Variants in NALCN observed in about 807,000 individuals in gnomAD.
NALCN encodes the protein sodium leak channel, non-selective.
A neutral mutation model predicts 225.3 loss-of-function variants in NALCN; 111 were observed. The ratio of observed to expected loss-of-function variants is 0.49; its 90% CI spans 0.42 to 0.58. NALCN has a LOEUF of 0.58. Ranked by LOEUF, NALCN falls within the 20% of genes least tolerant of loss-of-function variation. The pLI, the probability that NALCN is intolerant of heterozygous loss-of-function variation, is 0.00. For synonymous variants in NALCN, 764 were observed against 769.0 expected (o/e 0.99, Z 0.11); for missense variants, 1,378 against 2,202.4 (o/e 0.63, Z 7.49).
intron 17 of NALCN, among the ~76,000 whole-genome samples, chr13:101,136,431 TC>T (rs929915668): frequency 2.6e-5 from 4 of 151,938 alleles, no homozygotes; most frequent in African/African-American, 4.8e-5. Context: ...ATTAGGTATA[TC>T]TCCTAATACT....
At chr13:101,189,587 G>C (rs1227624789) in intron 14 of NALCN, among the ~76,000 whole-genome samples, 1 of 152,144 alleles carries the variant, frequency 6.6e-6, no homozygotes, top group Non-Finnish European at 1.5e-5. Context: ...TCAGAAATCA[G>C]ATATCGAGTG....
intron 9 of NALCN, among the ~76,000 whole-genome samples, chr13:101,290,665 T>C (rs1201815974): frequency 2.0e-5 from 3 of 152,234 alleles, no homozygotes; most frequent in Non-Finnish European, 4.4e-5. Flanking sequence ...ATCATAAAGA[T>C]GCCTCAACAC....
chr13:101,391,500 T>C (rs182558353), intron 3 of NALCN, among the ~76,000 whole-genome samples: 2 of 147,342 alleles, frequency 1.4e-5, no homozygotes, highest in Admixed American at 6.8e-5. Flanking sequence ...CTGGGCAACA[T>C]AGCAAGACCC....
chr13:101,400,544 AGTGTGTGTGT>A lies in NALCN; in HGVS notation c.-39-1389_-39-1380del, dbSNP rs376844190. ...CACTGGAGTACAAGAACATGTTTGC[AGTGTGTGTGT>A]GTGTGTGTGTGTGTGTGTGTGTGTG... On this transcript the variant is annotated intron_variant, in intron 1 of 43. Transcript: ENST00000251127. Among the ~76,000 whole-genome samples the A allele has an allele frequency of 9.3e-3, 1,259 of 135,236 alleles. 32 individuals carry two copies. The highest frequency in any genetic ancestry group is 0.05 in the Admixed American group (680 of 13,546). The allele number at this position is 135,236 out of a possible 152,430, so 88.7% of individuals were successfully genotyped here.
rs568062984 is a variant in NALCN, at chr13:101,354,282, G to T, written c.645-8862C>A. ...CACTTGAACCCAGCGGGTAGAGGTTGCACTGAGCCAACATCATGCCACTGA... is the reference window on the plus strand; with the variant it reads ...CACTTGAACCCAGCGGGTAGAGGTTTCACTGAGCCAACATCATGCCACTGA... On this transcript the variant is annotated intron_variant, in intron 6 of 43. Transcript: ENST00000251127. Among the ~76,000 whole-genome samples the T allele has an allele frequency of 9.8e-5, 15 of 152,296 alleles. No individual in the cohort carries two copies. The East Asian group carries it at 2.3e-3, about 24-fold the overall frequency.
chr13:101,147,940 CT>C (rs1197550684), intron 15 of NALCN, among the ~76,000 whole-genome samples: 1 of 152,104 alleles, frequency 6.6e-6, no homozygotes, highest in Admixed American at 6.5e-5. Flanking sequence ...TCAAATTCTA[CT>C]TGTTTTCTAG....
At chr13:101,326,566 A>G (rs186953328) in intron 7 of NALCN, among the ~76,000 whole-genome samples, 4 of 152,318 alleles carry the variant, frequency 2.6e-5, no homozygotes, top group Admixed American at 2.6e-4. Context: ...TAGAGTATAC[A>G]TTTTTAGTTG....
chr13:101,221,310 G>C (rs111526905), intron 13 of NALCN, among the ~76,000 whole-genome samples: 3 of 152,006 alleles, frequency 2.0e-5, no homozygotes, highest in Non-Finnish European at 4.4e-5. Context: ...GTAGAGACAG[G>C]GTTCCACCAT....
At chr13:101,083,275 G>A in intron 31 of NALCN, 77 bp from the exon 32 acceptor site, 1 of 1,229,102 alleles carries the variant, frequency 8.1e-7, no homozygotes, top group Admixed American at 1.9e-5. Context: ...TTTCTTAAAT[G>A]CTTATCTTAA....
chr13:101,089,341 G>A lies in NALCN; in HGVS notation c.3489+322C>T, dbSNP rs997981246. Among the ~76,000 whole-genome samples the A allele has an allele frequency of 1.3e-5, 2 of 152,156 alleles. No homozygotes were observed. Among genetic ancestry groups the A allele is most frequent in the African/African-American group, 4.8e-5 (2 of 41,430 alleles). ...GAAAGTAATATTACCTGTAATTAGCGAATCACTTTCATCTATTGTATTTTA... is the reference window on the plus strand; with the variant it reads ...GAAAGTAATATTACCTGTAATTAGCAAATCACTTTCATCTATTGTATTTTA... On this transcript the variant is annotated intron_variant, in intron 30 of 43. Coordinates refer to ENST00000251127, the MANE Select transcript of NALCN (RefSeq NM_052867.4). The surrounding 1 kb of genome is among the most constrained non-coding windows in gnomAD (Gnocchi z 4.7).
Position 101,104,232 on chromosome 13 carries a change from A to T in NALCN, c.2889+63T>A. On this transcript the variant is annotated intron_variant, in intron 25 of 43. Coordinates refer to ENST00000251127, the MANE Select transcript of NALCN (RefSeq NM_052867.4). This position sits in a 1 kb window ranked among gnomAD's most constrained non-coding sequence, Gnocchi z 4.2. ...ACTCATACCTCTTGCGCTTATACCA[A>T]GAAATGCAGGAGATTTTACAAAACC... 1 of 1,540,516 alleles carries T rather than the reference A, an allele frequency of 6.5e-7. No individual in the cohort carries two copies. Among genetic ancestry groups the T allele is most frequent in the Non-Finnish European group, 8.7e-7 (1 of 1,148,262 alleles).
intron 7 of NALCN, among the ~76,000 whole-genome samples, chr13:101,344,534 G>A (rs567747019): frequency 1.3e-5 from 2 of 152,096 alleles, no homozygotes; most frequent in African/African-American, 4.8e-5. Context: ...AAATTACTCT[G>A]ATAACAATTC....
At chr13:101,066,416 A>G (rs2032398082) in intron 39 of NALCN, among the ~76,000 whole-genome samples, 1 of 152,180 alleles carries the variant, frequency 6.6e-6, no homozygotes, top group Non-Finnish European at 1.5e-5. Flanking sequence ...TTCTGGGGTC[A>G]GAACTGATCC....
chr13:101,383,205 T>G (rs184308782), intron 3 of NALCN, among the ~76,000 whole-genome samples: 1 of 152,308 alleles, frequency 6.6e-6, no homozygotes, highest in Admixed American at 6.5e-5. Flanking sequence ...TCACCTTAAC[T>G]CAGGCGTCAT....
Position 101,140,993 on chromosome 13 carries a change from G to A in NALCN, c.2118+2087C>T, listed in dbSNP as rs140003676. Among the ~76,000 whole-genome samples the A allele has an allele frequency of 1.3e-3, 193 of 152,272 alleles. 1 individual carries two copies. The highest frequency in any genetic ancestry group is 4.5e-3 in the African/African-American group (187 of 41,556). ...CTCTAAGGACAGCTAAGGGTAATATGCAAGCCTTTAAGGATAGTTAAGGGT... is the reference window on the plus strand; with the variant it reads ...CTCTAAGGACAGCTAAGGGTAATATACAAGCCTTTAAGGATAGTTAAGGGT... On this transcript the variant is annotated intron_variant, in intron 17 of 43. Coordinates refer to ENST00000251127, the MANE Select transcript of NALCN (RefSeq NM_052867.4).
At chr13:101,395,028 C>A (rs1038089286) in intron 3 of NALCN, among the ~76,000 whole-genome samples, 155 bp downstream of exon 3, 20 of 152,202 alleles carry the variant, frequency 1.3e-4, no homozygotes, top group Non-Finnish European at 2.9e-4. Context: ...CAATTTCTCC[C>A]AGTCTCTGGA....
chr13:101,224,494 A>G (rs927729665), intron 13 of NALCN, among the ~76,000 whole-genome samples: 1 of 152,202 alleles, frequency 6.6e-6, no homozygotes, highest in Non-Finnish European at 1.5e-5. Flanking sequence ...CTCTCAAACT[A>G]GAATGCTCTA....
At chr13:101,307,513 C>T (rs1224080456) in intron 7 of NALCN, among the ~76,000 whole-genome samples, 1 of 152,208 alleles carries the variant, frequency 6.6e-6, no homozygotes. Flanking sequence ...TCCAATGAAT[C>T]CGTGCTCGCC....
At chr13:101,356,579 T>C (rs183404120) in intron 6 of NALCN, among the ~76,000 whole-genome samples, 2 of 152,264 alleles carry the variant, frequency 1.3e-5, no homozygotes, top group African/African-American at 2.4e-5. Flanking sequence ...ACCAGACAGA[T>C]TCACAGCCAA....
Sources: gnomAD v4.1 joint callset for allele counts (sites outside exome capture counted in the v4.1 genomes callset) on GRCh38, gnomAD v4.1.1 for gene constraint, Gnocchi (gnomAD v3.1) non-coding constraint, MANE v1.5 for transcripts, NCBI Gene and HGNC (gene_info 2026-07-23, HGNC 2026-07-21) for gene names.